The following MICU3 variants were observed in gnomAD, a reference collection of about 807,000 sequenced individuals.
MICU3 encodes mitochondrial calcium uptake 3.
A neutral mutation model predicts 66.5 loss-of-function variants in MICU3; 62 were observed. The observed-to-expected ratio is 0.93, with a 90% CI of 0.76 to 1.15. The LOEUF (loss-of-function observed/expected upper bound fraction) is 1.15, where lower values mean the gene tolerates loss of function less well. Ranked by LOEUF, MICU3 falls within the 50% of genes most tolerant of loss-of-function variation. The probability of loss-of-function intolerance (pLI) is 0.00; values close to 1 mark genes in which losing one functional copy is unlikely to be tolerated. For synonymous variants in MICU3, 308 were observed against 240.7 expected, an observed-to-expected ratio of 1.28 and a Z score of -2.59; for missense variants, 779 against 664.4, an observed-to-expected ratio of 1.17 and a Z score of -1.90.
In MICU3 at chr8:17,085,224, T is replaced by G. The variant is rs1799345652; in HGVS notation, c.695-12T>G. 2 of 1,590,044 alleles carry G rather than the reference T, an allele frequency of 1.3e-6. No individual in the cohort carries two copies. Among genetic ancestry groups the G allele is most frequent in the Non-Finnish European group, 1.7e-6 (2 of 1,167,108 alleles). On this transcript the variant is annotated splice_polypyrimidine_tract_variant and intron_variant, in intron 5 of 14. Coordinates refer to ENST00000318063, the MANE Select transcript of MICU3 (RefSeq NM_181723.3). ...TCCATTTTGTGAATACCTTCTCTGT[T>G]TTTTCTGGCAGAGCCACATGCAGGG...
At chr8:17,099,048 A>C (rs774551092) in intron 9 of MICU3, among the ~76,000 whole-genome samples, 5 of 151,694 alleles carry the variant, frequency 3.3e-5, no homozygotes, top group Non-Finnish European at 5.9e-5. Flanking sequence ...GTGCATAGTG[A>C]AAATAAAAAG....
chr8:17,126,864 CA>C (rs1585603035), downstream of MICU3, among the ~76,000 whole-genome samples: 1 of 152,112 alleles, frequency 6.6e-6, no homozygotes. Context: ...AAAGGAACAT[CA>C]GGGGGAATCA....
chr8:17,104,063 G>A (rs1285642839), intron 9 of MICU3, among the ~76,000 whole-genome samples: 2 of 151,830 alleles, frequency 1.3e-5, no homozygotes, highest in South Asian at 2.1e-4. Context: ...AGAATATTTA[G>A]ATGATTATTA....
At chr8:17,031,849 T>G (rs1329116965) in intron 1 of MICU3, among the ~76,000 whole-genome samples, 1 of 152,226 alleles carries the variant, frequency 6.6e-6, no homozygotes, top group African/African-American at 2.4e-5. Flanking sequence ...CAACTCGGAA[T>G]GCCTTCCCTG....
chr8:17,092,197 A>G (rs953807614), intron 8 of MICU3, among the ~76,000 whole-genome samples: 4 of 151,954 alleles, frequency 2.6e-5, no homozygotes, highest in Non-Finnish European at 5.9e-5. Context: ...TTTCTAATGT[A>G]ATATGTCATC....
chr8:17,128,090 G>T, the MICU3 span, among the ~76,000 whole-genome samples: 1 of 152,080 alleles, frequency 6.6e-6, no homozygotes, highest in Non-Finnish European at 1.5e-5. Context: ...AGGAGAGATT[G>T]CCCTGAAGCC....
intron 13 of MICU3, 59 bp downstream of exon 13, chr8:17,116,659 C>A: frequency 8.4e-7 from 1 of 1,188,714 alleles, no homozygotes; most frequent in South Asian, 1.6e-5. Flanking sequence ...GGAAATCAAT[C>A]CATCTAAGTT....
chr8:17,131,263 T>TC, the MICU3 span: 3 of 152,302 alleles, frequency 2.0e-5, no homozygotes, highest in East Asian at 5.8e-4. Context: ...TATAGAGCTT[T>TC]CCCCCTACTA....
In MICU3 at chr8:17,066,086, T is replaced by G. The variant is rs1347693469; in HGVS notation, c.535+1849T>G. The stretch of plus-strand genomic sequence containing the variant: ...TAAGTAGAGTTCTTTTTTTTTTTAT[T>G]TACGAATTTTAAGGCTGTGATAAGT... On this transcript the variant is annotated intron_variant, in intron 2 of 14. Transcript: ENST00000318063. Among the ~76,000 whole-genome samples the G allele has an allele frequency of 2.0e-5, 3 of 151,988 alleles. No individual in the cohort carries two copies. In the South Asian group the frequency reaches 6.2e-4, roughly 31 times the overall value.
chr8:17,067,226 A>G (rs1818861997), intron 2 of MICU3, among the ~76,000 whole-genome samples: 1 of 152,166 alleles, frequency 6.6e-6, no homozygotes, highest in South Asian at 2.1e-4. Flanking sequence ...TAGCGTAATG[A>G]AATTTGACTT....
rs142154381 is a variant in MICU3, at chr8:17,043,886, A to C, written c.381+16226A>C. ...CCTTCATACTTTGATTCAATATTGT[A>C]AATTTTGTGAGTTATAAGTACAAAT... On this transcript the variant is annotated intron_variant, in intron 1 of 14. Coordinates refer to ENST00000318063, the MANE Select transcript of MICU3 (RefSeq NM_181723.3). Among the ~76,000 whole-genome samples the C allele has an allele frequency of 5.1e-3, 776 of 152,312 alleles. 8 individuals carry two copies. The highest frequency in any genetic ancestry group is 0.018 in the African/African-American group (739 of 41,572).
chr8:17,115,471 A>G (rs796836626), intron 12 of MICU3, among the ~76,000 whole-genome samples: 3 of 152,284 alleles, frequency 2.0e-5, no homozygotes, highest in African/African-American at 7.2e-5. Context: ...AGAATAGAAA[A>G]GTTGTTTGTT....
chr8:17,122,858 C>T (rs907338344), downstream of MICU3, among the ~76,000 whole-genome samples: 3 of 151,438 alleles, frequency 2.0e-5, no homozygotes, highest in African/African-American at 7.3e-5. Flanking sequence ...TGTAGGAATT[C>T]CTAAATTATA....
At chr8:17,108,514 G>A (rs1005686016) in intron 11 of MICU3, among the ~76,000 whole-genome samples, 1 of 151,996 alleles carries the variant, frequency 6.6e-6, no homozygotes, top group Non-Finnish European at 1.5e-5. Flanking sequence ...ATAGGACTTC[G>A]GTTCTTCTTA....
chr8:17,056,593 G>A (rs1289857213), intron 1 of MICU3, among the ~76,000 whole-genome samples: 1 of 152,206 alleles, frequency 6.6e-6, no homozygotes, highest in Non-Finnish European at 1.5e-5. Context: ...TGGTGTGACT[G>A]GAGGAAAGGA....
At chr8:17,046,900 A>C (rs192949350) in intron 1 of MICU3, among the ~76,000 whole-genome samples, 1 of 152,218 alleles carries the variant, frequency 6.6e-6, no homozygotes, top group African/African-American at 2.4e-5. Flanking sequence ...ACATTACCCA[A>C]GCAGAGAAGG....
At position 17,074,562 on chromosome 8, in the gene MICU3, G is replaced by A. The variant is rs939931704; in HGVS notation, c.568-3221G>A. Among the ~76,000 whole-genome samples, 7 of 150,314 alleles carry A rather than the reference G, an allele frequency of 4.7e-5. No individual in the cohort carries two copies. The South Asian group carries it at 1.3e-3, about 27-fold the overall frequency. On this transcript the variant is annotated intron_variant, in intron 3 of 14. Coordinates refer to ENST00000318063, the MANE Select transcript of MICU3 (RefSeq NM_181723.3). ...AAATACTATAGAAATATGCCTAGCTGGAGAATCAGACTAAAATGATGTTAA... is the reference window on the plus strand; with the variant it reads ...AAATACTATAGAAATATGCCTAGCTAGAGAATCAGACTAAAATGATGTTAA...
At chr8:17,085,352 T>C (rs1218169767) in intron 6 of MICU3, 34 bp downstream of exon 6, 1 of 1,298,250 alleles carries the variant, frequency 7.7e-7, no homozygotes, top group Admixed American at 1.8e-5. Context: ...TTATCAATAA[T>C]TAAATATTGC....
chr8:17,043,418 G>A (rs928693835), intron 1 of MICU3, among the ~76,000 whole-genome samples: 21 of 152,094 alleles, frequency 1.4e-4, no homozygotes, highest in Admixed American at 6.5e-5. Flanking sequence ...ACTTGTAATT[G>A]TCCATATACA....
Sources: allele counts gnomAD v4.1 joint callset (sites outside exome capture counted in the v4.1 genomes callset), GRCh38; gene constraint gnomAD v4.1.1; transcripts MANE v1.5; gene names NCBI Gene and HGNC (gene_info 2026-07-23, HGNC 2026-07-21).